Variants in DIP2C observed in about 807,000 individuals in gnomAD.
The protein encoded by DIP2C is disco-interacting protein 2 homolog C.
A neutral mutation model predicts 192.4 loss-of-function variants in DIP2C; 33 were observed. The observed-to-expected ratio is 0.17, with a 90% CI of 0.13 to 0.23. The LOEUF is 0.23. Ranked by LOEUF, DIP2C falls within the 10% of genes least tolerant of loss-of-function variation. The pLI, the probability that DIP2C is intolerant of heterozygous loss-of-function variation, is 1.00. For missense variants in DIP2C, 1,537 were observed against 2,110.1 expected (o/e 0.73, Z 5.32); for synonymous variants, 979 against 864.1 (o/e 1.13, Z -2.33).
intron 11 of DIP2C, 30 bp from the exon 12 acceptor site, chr10:390,403 A>G (rs1468925112): frequency 1.9e-6 from 3 of 1,598,932 alleles, no homozygotes; most frequent in Non-Finnish European, 2.6e-6. Flanking sequence ...TTCCTTTTAA[A>G]TGTTACTCTG....
intron 2 of DIP2C, among the ~76,000 whole-genome samples, chr10:476,155 G>A (rs566428536): frequency 2.0e-5 from 3 of 152,148 alleles, no homozygotes; most frequent in Non-Finnish European, 4.4e-5. Flanking sequence ...GGGAGATGGG[G>A]TGGCTGCCTT....
intron 1 of DIP2C, among the ~76,000 whole-genome samples, chr10:557,908 GGGGGCGGGGAA>G (rs1848994517): frequency 7.7e-6 from 1 of 129,932 alleles, no homozygotes; most frequent in African/African-American, 3.0e-5. Context: ...AGGCGGGGAA[GGGGGCGGGGAA>G]GGGGGAAACC....
chr10:390,467 C>T lies in DIP2C; in HGVS notation c.1385-94G>A, dbSNP rs991032180. 16 of 1,250,564 alleles carry T rather than the reference C, an allele frequency of 1.3e-5. No homozygotes were observed. The African/African-American group carries it at 2.1e-4, about 16-fold the overall frequency. The allele number at this position is 1,250,564 out of a possible 1,614,324, so 77.5% of individuals were successfully genotyped here. A position where few individuals can be genotyped will look rare whatever the true frequency, so the allele number is the denominator to read the frequency against. ...TTATGTGGTACCCTTTCAAACACGT[C>T]AACTAGATCGAATCTCTGGTGTCTC... On this transcript the variant is annotated intron_variant, in intron 11 of 36. Coordinates refer to ENST00000280886, the MANE Select transcript of DIP2C (RefSeq NM_014974.3).
At chr10:324,982 G>A (rs1367450449) in intron 31 of DIP2C, 2 of 530,858 alleles carry the variant, frequency 3.8e-6, no homozygotes, top group Admixed American at 1.9e-5. Context: ...AAAACATTTT[G>A]GGGCTGGGCG....
At chr10:450,400 G>A (rs901699434) in intron 3 of DIP2C, among the ~76,000 whole-genome samples, 3 of 152,186 alleles carry the variant, frequency 2.0e-5, no homozygotes, top group Admixed American at 6.5e-5. Flanking sequence ...CAATTACAAT[G>A]GCTCAACTGT....
chr10:277,723 C>A, intron 36 of DIP2C, 146 bp from the exon 37 acceptor site: 2 of 1,129,776 alleles, frequency 1.8e-6, no homozygotes, highest in Admixed American at 2.7e-5. Context: ...CTCCGTCTGC[C>A]GCCCACTAAT....
chr10:510,157 C>CCTT (rs1204426369), intron 1 of DIP2C, among the ~76,000 whole-genome samples: 1 of 152,210 alleles, frequency 6.6e-6, no homozygotes, highest in African/African-American at 2.4e-5. Flanking sequence ...TGACTGAGTC[C>CCTT]CTTCTAGGTC....
chr10:324,435 G>T (rs1397517711), intron 31 of DIP2C, among the ~76,000 whole-genome samples: 2 of 152,204 alleles, frequency 1.3e-5, no homozygotes, highest in African/African-American at 4.8e-5. Context: ...TCTGGGAAGG[G>T]GAGGTGAGCT....
intron 22 of DIP2C, among the ~76,000 whole-genome samples, chr10:358,286 G>A (rs898546976): frequency 6.6e-6 from 1 of 151,482 alleles, no homozygotes; most frequent in Non-Finnish European, 1.5e-5. Flanking sequence ...TAAAAGCCAC[G>A]ATTTGTCTCA....
At chr10:327,488 G>A (rs1048180086) in intron 30 of DIP2C, among the ~76,000 whole-genome samples, 10 of 152,222 alleles carry the variant, frequency 6.6e-5, no homozygotes, top group East Asian at 1.9e-4. Context: ...ATGAAAGGCC[G>A]TTCGGGAAAA....
chr10:644,321 C>G (rs1318966724), intron 1 of DIP2C, among the ~76,000 whole-genome samples: 1 of 152,238 alleles, frequency 6.6e-6, no homozygotes, highest in Non-Finnish European at 1.5e-5. Context: ...CTAATTAAAC[C>G]CTGACAGCAA....
At chr10:365,254 C>A (rs541067559) in intron 19 of DIP2C, among the ~76,000 whole-genome samples, 1 of 152,290 alleles carries the variant, frequency 6.6e-6, no homozygotes, top group Non-Finnish European at 1.5e-5. Context: ...ACATTTAGAC[C>A]AGCAACAGTG....
At chr10:577,455 G>A (rs746662051) in intron 1 of DIP2C, among the ~76,000 whole-genome samples, 8 of 152,308 alleles carry the variant, frequency 5.3e-5, no homozygotes, top group African/African-American at 7.2e-5. Context: ...ATGCTAAGCC[G>A]TCACCAAGCT....
chr10:369,524 C>T lies in DIP2C; in HGVS notation c.2101G>A (p.Val701Met), dbSNP rs200714569. Residue 701 changes from valine to methionine, a missense_variant, in exon 18 of 37, where the codon GTG becomes ATG. Around this residue, in one of 4 missense-constraint regions of DIP2C, gnomAD observed 677 missense variants for 989.9 expected, o/e 0.68. Transcript: ENST00000280886. ...GGCATCACGAGGCCGACATCCTGCACGGTGAGCACGGACAGCTTCTCTTCC... is the reference window on the plus strand; with the variant it reads ...GGCATCACGAGGCCGACATCCTGCATGGTGAGCACGGACAGCTTCTCTTCC... ...DSEEKLSVLT[V>M]QDVGLVMPGA... 1.7e-5 allele frequency: 27 copies of T among 1,569,888 alleles called. No individual in the cohort carries two copies. The highest frequency in any genetic ancestry group is 5.4e-5 in the African/African-American group (4 of 74,286).
intron 1 of DIP2C, among the ~76,000 whole-genome samples, chr10:661,129 G>C (rs2132078348): frequency 6.6e-6 from 1 of 152,318 alleles, no homozygotes. Flanking sequence ...ACAGTGTTGG[G>C]AAAAGCACAA....
chr10:522,947 C>T (rs1846803229), intron 1 of DIP2C, among the ~76,000 whole-genome samples: 1 of 148,574 alleles, frequency 6.7e-6, no homozygotes, highest in African/African-American at 2.5e-5. Flanking sequence ...CTGTGTGTGA[C>T]CAACACGTTC....
intron 24 of DIP2C, among the ~76,000 whole-genome samples, chr10:352,337 T>C (rs933603822): frequency 1.5e-4 from 23 of 152,256 alleles, no homozygotes; most frequent in African/African-American, 5.5e-4. Flanking sequence ...GAGTGTAACA[T>C]GCATGCTGTC....
rs375125674 is a variant in DIP2C at position 327,848 on chromosome 10, T to C, written c.3754-672A>G. On this transcript the variant is annotated intron_variant, in intron 30 of 36. Transcript: ENST00000280886. Reference sequence around the variant, plus strand: ...CACAGTAAGCAAAAGATTAACAACATCTCAGTTTCCACACCAAATTCAGTC... The same window carrying C: ...CACAGTAAGCAAAAGATTAACAACACCTCAGTTTCCACACCAAATTCAGTC... Among the ~76,000 whole-genome samples, 4 of 152,274 alleles carry C rather than the reference T, an allele frequency of 2.6e-5. No homozygotes were observed. The East Asian group carries it at 5.8e-4, about 22-fold the overall frequency.
At chr10:341,817 T>G (rs1958161112) in intron 28 of DIP2C, among the ~76,000 whole-genome samples, 1 of 152,176 alleles carries the variant, frequency 6.6e-6, no homozygotes. Context: ...AGTTCCCGGC[T>G]GCAGTGAGCT....
Sources: gnomAD v4.1 joint callset for allele counts (sites outside exome capture counted in the v4.1 genomes callset) on GRCh38, gnomAD v4.1.1 for gene constraint, gnomAD v4.1.1 regional missense constraint, MANE v1.5 for transcripts, NCBI Gene and HGNC (gene_info 2026-07-23, HGNC 2026-07-21) for gene names.